Variants in CFAP46 observed in about 807,000 individuals in gnomAD.
CFAP46 encodes the protein cilia- and flagella-associated protein 46.
A neutral mutation model predicts 325.7 loss-of-function variants in CFAP46; 245 were observed. The observed-to-expected ratio is 0.75, with a 90% CI of 0.68 to 0.84. CFAP46 has a LOEUF of 0.84. CFAP46 is among the 40% of genes least tolerant of loss of function. The probability of loss-of-function intolerance (pLI) is 0.00; values close to 1 mark genes in which losing one functional copy is unlikely to be tolerated. For synonymous variants in CFAP46, 1,523 were observed against 1,495.9 expected, an observed-to-expected ratio of 1.02 and a Z score of -0.42; for missense variants, 3,346 against 3,543.0, an observed-to-expected ratio of 0.94 and a Z score of 1.41.
rs1316202166 is a variant in CFAP46 at position 132,942,475 on chromosome 10, C to A, written c.10G>T (p.Val4Phe). MDL[V>F]ITQELARAES... is the part of the protein sequence containing the mutation. The stretch of plus-strand genomic sequence containing the variant: ...GCGCGGGCCAGCTCCTGCGTGATGA[C>A]CAGGTCCATGGCGCCGGCGCCCTGC... Residue 4 changes from valine (V) to phenylalanine (F), a missense_variant, in exon 1 of 58, where the codon GTC becomes TTC. Val to Phe is a conservative substitution (Grantham distance 50). Coordinates refer to ENST00000368586, the MANE Select transcript of CFAP46 (RefSeq NM_001200049.3). 2 of 1,302,694 alleles carry A rather than the reference C, an allele frequency of 1.5e-6. No homozygotes were observed. The highest frequency in any genetic ancestry group is 3.1e-5 in the African/African-American group (2 of 64,814). The allele number at this position is 1,302,694 out of a possible 1,614,324, so 80.7% of individuals were successfully genotyped here. A position where few individuals can be genotyped will look rare whatever the true frequency, so the allele number is the denominator to read the frequency against.
chr10:132,932,303 G>A (rs1284839584), intron 8 of CFAP46, among the ~76,000 whole-genome samples: 1 of 134,914 alleles, frequency 7.4e-6, no homozygotes, highest in Non-Finnish European at 1.6e-5. Context: ...CAGAGCCTGG[G>A]CCTCCCTCCT....
Position 132,847,835 on chromosome 10 carries a change from A to G in CFAP46, c.5953-514T>C, listed in dbSNP as rs917315868. Among the ~76,000 whole-genome samples the G allele has an allele frequency of 3.3e-5, 5 of 152,172 alleles. No homozygotes were observed. The highest frequency in any genetic ancestry group is 7.3e-5 in the Non-Finnish European group (5 of 68,036). On this transcript the variant is annotated intron_variant, in intron 41 of 57. Transcript: ENST00000368586. This position sits in a 1 kb window ranked among gnomAD's most constrained non-coding sequence, Gnocchi z 5.2. ...TTTTCGGGACACAAGGTATCGCAGC[A>G]CCAAATCTATATATGCACCCAATGA...
At chr10:132,878,869 C>T (rs931913098) in intron 29 of CFAP46, among the ~76,000 whole-genome samples, 4 of 152,192 alleles carry the variant, frequency 2.6e-5, no homozygotes, top group Non-Finnish European at 5.9e-5. Flanking sequence ...GTGTAGCCTG[C>T]GGGAGGCCTA....
rs73391270 is a variant in CFAP46, at chr10:132,850,508, C to T, written c.5764-76G>A. On this transcript the variant is annotated intron_variant, in intron 40 of 57. Coordinates refer to ENST00000368586, the MANE Select transcript of CFAP46 (RefSeq NM_001200049.3). ...CCCTGCCCAGGGGACCCAGTGAGCC[C>T]GCCCTCTGCTGTGCCCTGTGGGTGG... 1.1e-5 allele frequency: 16 copies of T among 1,392,576 alleles called. No homozygotes were observed. In the South Asian group the frequency reaches 1.3e-4, roughly 11 times the overall value. The allele number at this position is 1,392,576 out of a possible 1,614,324, so 86.3% of individuals were successfully genotyped here.
intron 54 of CFAP46, 98 bp from the exon 55 acceptor site, chr10:132,812,995 C>A: frequency 1.2e-6 from 1 of 855,376 alleles, no homozygotes; most frequent in South Asian, 1.5e-5. Flanking sequence ...GTGGTCCACG[C>A]CTGTCCCATT....
Position 132,864,253 on chromosome 10 carries a change from C to T in CFAP46, c.4890+1772G>A, listed in dbSNP as rs149750908. 6.7e-3 allele frequency among the ~76,000 whole-genome samples: 951 copies of T among 142,764 alleles called. 11 individuals carry two copies. The highest frequency in any genetic ancestry group is 0.026 in the South Asian group (108 of 4,090). The allele number at this position is 142,764 out of a possible 152,430, so 93.7% of individuals were successfully genotyped here. ...CCCCTGACACCTGCACACACCCGTC[C>T]CCAGTGTCTGAGACCTGCACACACC... On this transcript the variant is annotated intron_variant, in intron 35 of 57. Coordinates refer to ENST00000368586, the MANE Select transcript of CFAP46 (RefSeq NM_001200049.3).
In CFAP46 at chr10:132,886,389, C is replaced by T. The variant is rs955711721; in HGVS notation, c.3305-430G>A. Among the ~76,000 whole-genome samples, 2 of 152,190 alleles carry T rather than the reference C, an allele frequency of 1.3e-5. No homozygotes were observed. The highest frequency in any genetic ancestry group is 2.9e-5 in the Non-Finnish European group (2 of 68,030). On this transcript the variant is annotated intron_variant, in intron 25 of 57. Transcript: ENST00000368586. The surrounding 1 kb of genome is among the most constrained non-coding windows in gnomAD (Gnocchi z 5.8). ...GAGTCCTCATGCTTGGTGCCCGCAG[C>T]ACGGGAACAATCCCCGAGTCTCCAC... is the stretch of plus-strand genomic sequence containing the variant.
chr10:132,821,293 CTGTGTGTGCTGTGTGT>C (rs1565035153), intron 50 of CFAP46, among the ~76,000 whole-genome samples: 3 of 107,412 alleles, frequency 2.8e-5, no homozygotes, highest in African/African-American at 4.0e-5. Flanking sequence ...CTGATGTGTG[CTGTGTGTGCTGTGTGT>C]TGTGTGTGCT....
At chr10:132,928,447 C>T (rs1054643244) in intron 9 of CFAP46, among the ~76,000 whole-genome samples, 1 of 152,238 alleles carries the variant, frequency 6.6e-6, no homozygotes, top group Non-Finnish European at 1.5e-5. Flanking sequence ...TTCCCACCTG[C>T]ACCCTGGTGG....
chr10:132,859,314 G>C, intron 37 of CFAP46, 67 bp from the exon 38 acceptor site: 1 of 1,389,832 alleles, frequency 7.2e-7, no homozygotes. Context: ...TTGCGGCTGG[G>C]CTGCCGCTGT....
chr10:132,923,141 G>A (rs1053648813), intron 11 of CFAP46, among the ~76,000 whole-genome samples: 1 of 152,196 alleles, frequency 6.6e-6, no homozygotes, highest in African/African-American at 2.4e-5. Flanking sequence ...GGGGTTCCCT[G>A]GACCCCCTGG....
At chr10:132,809,758 C>T (rs1041536676) in intron 57 of CFAP46, among the ~76,000 whole-genome samples, 7 of 151,948 alleles carry the variant, frequency 4.6e-5, no homozygotes, top group African/African-American at 1.7e-4. Context: ...CTCTGAAGGA[C>T]GGCTGGGTGG....
chr10:132,810,433 T>C lies in CFAP46; in HGVS notation c.7640A>G (p.Glu2547Gly). ...WRNSASPSED[E>G]WRRGGEPRRG... ...CCTTGGTTCACCGCCTCGTCGCCAC[T>C]CATCTTCTGAAGGAGACGCACTGTT... Residue 2547 changes from glutamate (E) to glycine (G), a missense_variant, in exon 57 of 58, where the codon GAG becomes GGG. Glu to Gly is a moderately conservative substitution (Grantham distance 98, BLOSUM62 -2). Coordinates refer to ENST00000368586, the MANE Select transcript of CFAP46 (RefSeq NM_001200049.3). The C allele has an allele frequency of 1.9e-6, 3 of 1,613,502 alleles. No individual in the cohort carries two copies. The highest frequency in any genetic ancestry group is 2.5e-6 in the Non-Finnish European group (3 of 1,179,960).
In CFAP46 at chr10:132,893,726, T is replaced by C. The variant is rs563347975; in HGVS notation, c.3220-1309A>G. ...TCTCTCAGGTCTCCCGCTCGGCCTCTTCCCAGTGTACTTTCTTTCCTGTTC... is the reference window on the plus strand; with the variant it reads ...TCTCTCAGGTCTCCCGCTCGGCCTCCTCCCAGTGTACTTTCTTTCCTGTTC... On this transcript the variant is annotated intron_variant, in intron 24 of 57. Transcript: ENST00000368586. 5.3e-5 allele frequency among the ~76,000 whole-genome samples: 8 copies of C among 152,360 alleles called. No individual in the cohort carries two copies. In the East Asian group the frequency reaches 1.5e-3, roughly 29 times the overall value.
At position 132,821,195 on chromosome 10, in the gene CFAP46, G is replaced by A. The variant is rs532342023; in HGVS notation, c.7118-6281C>T. Among the ~76,000 whole-genome samples, 3 of 139,720 alleles carry A rather than the reference G, an allele frequency of 2.1e-5. No individual in the cohort carries two copies. In the South Asian group the frequency reaches 7.1e-4, roughly 33 times the overall value. The allele number at this position is 139,720 out of a possible 152,430, so 91.7% of individuals were successfully genotyped here. On this transcript the variant is annotated intron_variant, in intron 50 of 57. Coordinates refer to ENST00000368586, the MANE Select transcript of CFAP46 (RefSeq NM_001200049.3). ...CGCTGATGTGTGCTGTGTGTGCTGTGTGAGTGCTGATGTGTGCTGTGTGCT... is the reference window on the plus strand; with the variant it reads ...CGCTGATGTGTGCTGTGTGTGCTGTATGAGTGCTGATGTGTGCTGTGTGCT...
chr10:132,902,711 T>C (rs1269369258), intron 22 of CFAP46, among the ~76,000 whole-genome samples: 1 of 152,260 alleles, frequency 6.6e-6, no homozygotes, highest in Non-Finnish European at 1.5e-5. Context: ...TCTTACTTTA[T>C]GCTGGACGTC....
At chr10:132,909,281 C>T (rs987957192) in intron 20 of CFAP46, 37 bp from the exon 21 acceptor site, 48 of 1,433,648 alleles carry the variant, frequency 3.3e-5, no homozygotes, top group Non-Finnish European at 4.0e-5. Context: ...TCAGCCCAAG[C>T]GTGCGGGGGG....
At chr10:132,907,508 A>G (rs1849473333) in intron 22 of CFAP46, among the ~76,000 whole-genome samples, 2 of 152,198 alleles carry the variant, frequency 1.3e-5, no homozygotes, top group African/African-American at 4.8e-5. Flanking sequence ...GTCAGAGGCC[A>G]TTTTCTTTCA....
chr10:132,909,044 A>G (rs1211341041), intron 21 of CFAP46, 93 bp downstream of exon 21: 5 of 888,146 alleles, frequency 5.6e-6, no homozygotes, highest in Admixed American at 2.1e-5. Flanking sequence ...GTGAGCATGC[A>G]CGATGGGGCT....
Sources: allele counts gnomAD v4.1 joint callset (sites outside exome capture counted in the v4.1 genomes callset), GRCh38; gene constraint gnomAD v4.1.1; non-coding constraint Gnocchi (gnomAD v3.1); transcripts MANE v1.5; gene names NCBI Gene and HGNC (gene_info 2026-07-23, HGNC 2026-07-21).